The following CMTM2 variants were observed in gnomAD, a reference collection of about 807,000 sequenced individuals.
CMTM2 encodes CKLF-like MARVEL transmembrane domain-containing protein 2.
CMTM2 carries 15 observed loss-of-function variants against 16.8 expected under a neutral mutation model. The ratio of observed to expected loss-of-function variants is 0.89; its 90% CI spans 0.60 to 1.37. The LOEUF is 1.37. Ranked by LOEUF, CMTM2 falls within the 40% of genes most tolerant of loss-of-function variation. The pLI, the probability that CMTM2 is intolerant of heterozygous loss-of-function variation, is 0.00. For missense variants in CMTM2, 282 were observed against 318.0 expected (o/e 0.89, Z 0.86); for synonymous variants, 117 against 118.7 (o/e 0.99, Z 0.09).
chr16:66,585,877 G>A (rs781054501), intron 2 of CMTM2, among the ~76,000 whole-genome samples: 3 of 152,206 alleles, frequency 2.0e-5, no homozygotes, highest in Non-Finnish European at 4.4e-5. Context: ...GACAACAGCA[G>A]GAAATGGCAC....
Position 66,579,826 on chromosome 16 carries a change from G to A in CMTM2, c.219G>A (p.Trp73Ter). The change falls in exon 1 of 4, where the codon TGG (tryptophan) becomes TGA (stop). Residue 73 changes from tryptophan (W) to a stop codon, truncating the protein, a stop_gained. Coordinates refer to ENST00000268595, the MANE Select transcript of CMTM2 (RefSeq NM_144673.3). LOFTEE classifies it high-confidence loss of function. The surrounding 1 kb of genome is among the most constrained non-coding windows in gnomAD (Gnocchi z 6.5). ...GGAGGGGGTGTCGCCGCTACCGGTG[G>A]GAATTAAAAGACAGCAATAAAGAGT... ...GTRRGCRRYR[W>*]ELKDSNKEFW... The A allele has an allele frequency of 1.2e-6, 2 of 1,614,042 alleles. No individual in the cohort carries two copies. The highest frequency in any genetic ancestry group is 1.7e-6 in the Non-Finnish European group (2 of 1,180,040).
chr16:66,580,498 G>A (rs935484008), intron 2 of CMTM2: 6 of 321,776 alleles, frequency 1.9e-5, no homozygotes, highest in Admixed American at 4.5e-5. Flanking sequence ...CTGTTCCTCC[G>A]AACTCCTGTG....
chr16:66,579,469 TG>T lies in CMTM2; in HGVS notation c.-137del. The stretch of plus-strand genomic sequence containing the variant: ...AGAGGGCGCGGGAGTTGGCATTCGG[TG>T]GTCCTGGCAGTTAGCTGAGCACGCC... On this transcript the variant is annotated 5_prime_UTR_variant, in exon 1 of 4. Coordinates refer to ENST00000268595, the MANE Select transcript of CMTM2 (RefSeq NM_144673.3). The surrounding 1 kb of genome is among the most constrained non-coding windows in gnomAD (Gnocchi z 6.5). 1 of 1,033,462 alleles carries T rather than the reference TG, an allele frequency of 9.7e-7. No individual in the cohort carries two copies. The highest frequency in any genetic ancestry group is 1.6e-5 in the South Asian group (1 of 63,056). 64.0% of individuals were successfully genotyped at this position (1,033,462 alleles called of 1,614,324 possible).
At chr16:66,584,787 A>G (rs1195103986) in intron 2 of CMTM2, among the ~76,000 whole-genome samples, 1 of 152,154 alleles carries the variant, frequency 6.6e-6, no homozygotes, top group African/African-American at 2.4e-5. Context: ...ATTAAAATTA[A>G]AACTTCAACA....
intron 2 of CMTM2, chr16:66,580,500 A>AT: frequency 3.1e-6 from 1 of 318,108 alleles, no homozygotes; most frequent in Admixed American, 4.5e-5. Flanking sequence ...GTTCCTCCGA[A>AT]CTCCTGTGCC....
chr16:66,584,519 A>G (rs923761969), intron 2 of CMTM2, among the ~76,000 whole-genome samples: 7 of 152,210 alleles, frequency 4.6e-5, no homozygotes, highest in Non-Finnish European at 7.3e-5. Flanking sequence ...CACCTTGCTC[A>G]TGGACTTCAG....
intron 2 of CMTM2, among the ~76,000 whole-genome samples, chr16:66,584,085 G>C (rs750099223): frequency 6.6e-6 from 1 of 152,192 alleles, no homozygotes; most frequent in Non-Finnish European, 1.5e-5. Flanking sequence ...ACCCAGGCTA[G>C]AGTGCAGTGG....
chr16:66,586,153 G>C (rs772366744), intron 2 of CMTM2, among the ~76,000 whole-genome samples: 3 of 152,094 alleles, frequency 2.0e-5, no homozygotes, highest in Admixed American at 6.6e-5. Context: ...AGAGGGGAAG[G>C]GGTCTAGGAA....
rs961557010 is a variant in CMTM2, at chr16:66,588,135, T to C, written c.*16T>C. 13 of 1,610,774 alleles carry C rather than the reference T, an allele frequency of 8.1e-6. No individual in the cohort carries two copies. Among genetic ancestry groups the C allele is most frequent in the Middle Eastern group, 2.2e-4 (1 of 4,528 alleles). On this transcript the variant is annotated 3_prime_UTR_variant, in exon 4 of 4. Transcript: ENST00000268595. ...AAAGAAATGACTTGGAGGAGGCTCC[T>C]GGTGTCTGAAACGGCAGTGTATTTT...
intron 2 of CMTM2, among the ~76,000 whole-genome samples, chr16:66,583,423 C>T (rs1410777651): frequency 6.6e-6 from 1 of 151,662 alleles, no homozygotes; most frequent in Non-Finnish European, 1.5e-5. Context: ...ACCCAGGAGG[C>T]AGAGGTTGCC....
At position 66,586,995 on chromosome 16, in the gene CMTM2, A is replaced by C. The variant is rs112815969; in HGVS notation, c.445-2A>C. ...GAGGCTGACTAACCTCTCCACCTTC[A>C]GGACCTCTTCAACGACCTGATTGCT... On this transcript the variant is annotated splice_acceptor_variant, in intron 2 of 3. Coordinates refer to ENST00000268595, the MANE Select transcript of CMTM2 (RefSeq NM_144673.3). LOFTEE classifies it high-confidence loss of function. The C allele has an allele frequency of 1.2e-6, 2 of 1,613,306 alleles. No individual in the cohort carries two copies. Among genetic ancestry groups the C allele is most frequent in the African/African-American group, 2.7e-5 (2 of 75,014 alleles).
At chr16:66,581,193 C>T (rs574430664) in intron 2 of CMTM2, among the ~76,000 whole-genome samples, 136 of 151,582 alleles carry the variant, frequency 9.0e-4, no homozygotes, top group Non-Finnish European at 1.7e-3. Context: ...TGAGGACCTC[C>T]GATACAGGGA....
intron 2 of CMTM2, 178 bp downstream of exon 2, chr16:66,580,362 G>C: frequency 1.6e-6 from 1 of 636,930 alleles, no homozygotes; most frequent in Non-Finnish European, 2.7e-6. Flanking sequence ...GGGGTAGCTA[G>C]GCAGAAAATG....
intron 2 of CMTM2, among the ~76,000 whole-genome samples, chr16:66,584,311 G>A (rs1261169339): frequency 6.6e-6 from 1 of 152,162 alleles, no homozygotes; most frequent in Non-Finnish European, 1.5e-5. Flanking sequence ...TGTGATTACA[G>A]GTGTGAGCCA....
chr16:66,579,478 C>A lies in CMTM2; in HGVS notation c.-130C>A. ...GGGAGTTGGCATTCGGTGGTCCTGG[C>A]AGTTAGCTGAGCACGCCCTCTGAGC... On this transcript the variant is annotated 5_prime_UTR_variant, in exon 1 of 4. Transcript: ENST00000268595. The surrounding 1 kb of genome is among the most constrained non-coding windows in gnomAD (Gnocchi z 6.5). 3 of 1,130,952 alleles carry A rather than the reference C, an allele frequency of 2.7e-6. No homozygotes were observed. Among genetic ancestry groups the A allele is most frequent in the Non-Finnish European group, 3.7e-6 (3 of 800,738 alleles). The allele number at this position is 1,130,952 out of a possible 1,614,324, so 70.1% of individuals were successfully genotyped here.
chr16:66,583,730 C>G (rs2014760857), intron 2 of CMTM2, among the ~76,000 whole-genome samples: 1 of 151,958 alleles, frequency 6.6e-6, no homozygotes, highest in Admixed American at 6.6e-5. Flanking sequence ...AAATTTCAAC[C>G]TAACATGGGT....
Position 66,580,940 on chromosome 16 carries a change from A to C in CMTM2, c.444+756A>C, listed in dbSNP as rs531602669. On this transcript the variant is annotated intron_variant, in intron 2 of 3. Transcript: ENST00000268595. ...CCCCTTGCCAGTCAATGAAGACCCC[A>C]ATTCCCAAGTCCCTTTGTTCATTGC... Among the ~76,000 whole-genome samples the C allele has an allele frequency of 1.9e-4, 29 of 152,148 alleles. 2 individuals are homozygous for C. In the South Asian group the frequency reaches 4.1e-3, roughly 22 times the overall value.
chr16:66,583,576 G>A (rs12447963), intron 2 of CMTM2, among the ~76,000 whole-genome samples: 8,943 of 152,032 alleles, frequency 0.059, 423 homozygotes, highest in East Asian at 0.12. Context: ...ACTGAAAGAT[G>A]TGTAAGACAC....
At position 66,583,655 on chromosome 16, in the gene CMTM2, T is replaced by C. The variant is rs543076906; in HGVS notation, c.445-3342T>C. On this transcript the variant is annotated intron_variant, in intron 2 of 3. Transcript: ENST00000268595. ...ATGTAAATAGAGAAACATTCCACATTCACAAATATGAAAACTTATCATAGA... is the reference window on the plus strand; with the variant it reads ...ATGTAAATAGAGAAACATTCCACATCCACAAATATGAAAACTTATCATAGA... Among the ~76,000 whole-genome samples, 18 of 151,644 alleles carry C rather than the reference T, an allele frequency of 1.2e-4. No homozygotes were observed. The South Asian group carries it at 3.1e-3, about 26-fold the overall frequency.
Sources: gnomAD v4.1 joint callset for allele counts (sites outside exome capture counted in the v4.1 genomes callset) on GRCh38, gnomAD v4.1.1 for gene constraint, Gnocchi (gnomAD v3.1) non-coding constraint, MANE v1.5 for transcripts, NCBI Gene and HGNC (gene_info 2026-07-23, HGNC 2026-07-21) for gene names.